Variants in MAP3K13 observed in about 807,000 individuals in gnomAD.
The protein encoded by MAP3K13 is leucine zipper-bearing kinase.
MAP3K13 carries 52 observed loss-of-function variants against 104.0 expected under a neutral mutation model. The ratio of observed to expected loss-of-function variants is 0.50; its 90% CI spans 0.40 to 0.63. The LOEUF (loss-of-function observed/expected upper bound fraction) is 0.63. Among genes scored for constraint, MAP3K13 ranks in the 20% least tolerant of loss-of-function variants. The pLI is 0.00. For synonymous variants in MAP3K13, 394 were observed against 442.2 expected (o/e 0.89, Z 1.37); for missense variants, 914 against 1,218.5 (o/e 0.75, Z 3.72).
At chr3:185,321,589 C>T (rs910330386) in intron 2 of MAP3K13, among the ~76,000 whole-genome samples, 2 of 151,712 alleles carry the variant, frequency 1.3e-5, no homozygotes, top group African/African-American at 4.8e-5. Context: ...TATAAGTAAC[C>T]GAGTTTTTTG....
At chr3:185,294,551 C>T (rs1464013974) in intron 2 of MAP3K13, among the ~76,000 whole-genome samples, 1 of 152,218 alleles carries the variant, frequency 6.6e-6, no homozygotes, top group East Asian at 1.9e-4. Flanking sequence ...CTGCCTCATT[C>T]TTCCTGAACA....
chr3:185,301,819 T>C (rs909271026), intron 2 of MAP3K13, among the ~76,000 whole-genome samples: 4 of 152,222 alleles, frequency 2.6e-5, no homozygotes, highest in East Asian at 3.9e-4. Context: ...TTCTGTTCCA[T>C]TGGACAATAT....
chr3:185,371,953 C>G (rs1724185169), intron 1 of MAP3K13, among the ~76,000 whole-genome samples: 1 of 152,166 alleles, frequency 6.6e-6, no homozygotes, highest in African/African-American at 2.4e-5. Context: ...TATCTGCAGG[C>G]TTGGATAACC....
chr3:185,360,301 A>G (rs1019208465), upstream of MAP3K13, among the ~76,000 whole-genome samples: 14 of 152,252 alleles, frequency 9.2e-5, no homozygotes, highest in African/African-American at 7.2e-5. Context: ...ATCACTTTAC[A>G]TTAAAAATTC....
At chr3:185,362,504 A>G (rs1203296721), upstream of MAP3K13, among the ~76,000 whole-genome samples, 1 of 152,210 alleles carries the variant, frequency 6.6e-6, no homozygotes, top group Non-Finnish European at 1.5e-5. Context: ...TTTTTCTTCC[A>G]TATCCACTTT....
chr3:185,448,591 A>T (rs1715716616), intron 5 of MAP3K13, among the ~76,000 whole-genome samples: 1 of 152,256 alleles, frequency 6.6e-6, no homozygotes, highest in South Asian at 2.1e-4. Context: ...TCAAAATTGC[A>T]TGTAATACCA....
At chr3:185,461,217 C>T (rs1294229386) in intron 7 of MAP3K13, among the ~76,000 whole-genome samples, 1 of 152,106 alleles carries the variant, frequency 6.6e-6, no homozygotes, top group Non-Finnish European at 1.5e-5. Context: ...AGATTGGGCA[C>T]GTTCAGGGTG....
intron 1 of MAP3K13, among the ~76,000 whole-genome samples, chr3:185,410,336 C>T (rs1713363172): frequency 6.6e-6 from 1 of 152,076 alleles, no homozygotes; most frequent in Non-Finnish European, 1.5e-5. Context: ...ACAGAGGATT[C>T]TAGAGGCTGG....
intron 1 of MAP3K13, 85 bp from the exon 2 acceptor site, chr3:185,428,412 T>C: frequency 1.2e-6 from 1 of 825,332 alleles, no homozygotes; most frequent in South Asian, 2.6e-5. Flanking sequence ...CCCCATTGTT[T>C]CAGTTTTTTT....
intron 1 of MAP3K13, among the ~76,000 whole-genome samples, chr3:185,414,763 T>C (rs1713649291): frequency 6.6e-6 from 1 of 152,234 alleles, no homozygotes; most frequent in South Asian, 2.1e-4. Flanking sequence ...AAAATAAGTA[T>C]AGAATGTATT....
In MAP3K13 at chr3:185,485,847, C is replaced by T. The variant is rs1417369714; in HGVS notation, c.*3391C>T. ...TACCGTATATACATGTAGGGCATGA[C>T]ATAAAATGCCTAACTGTGATGTCAT... is the stretch of plus-strand genomic sequence containing the variant. On this transcript the variant is annotated 3_prime_UTR_variant, in exon 14 of 14. Transcript: ENST00000265026. 6.6e-6 allele frequency: 1 copy of T among 152,090 alleles called. No individual in the cohort carries two copies. The highest frequency in any genetic ancestry group is 2.4e-5 in the African/African-American group (1 of 41,406). The allele number at this position is 152,090 out of a possible 1,614,324, so 9.4% of individuals were successfully genotyped here.
chr3:185,413,176 G>T (rs1713543752), intron 1 of MAP3K13, among the ~76,000 whole-genome samples: 1 of 152,158 alleles, frequency 6.6e-6, no homozygotes, highest in Non-Finnish European at 1.5e-5. Context: ...ACTAAAACAT[G>T]GTTGCAAACC....
At chr3:185,352,130 G>GT (rs1723160228) in intron 2 of MAP3K13, among the ~76,000 whole-genome samples, 1 of 152,114 alleles carries the variant, frequency 6.6e-6, no homozygotes, top group Admixed American at 6.5e-5. Context: ...GAGTGGCCAC[G>GT]TACCCACCTA....
chr3:185,338,792 G>T (rs1009808836), intron 2 of MAP3K13, among the ~76,000 whole-genome samples: 1 of 151,938 alleles, frequency 6.6e-6, no homozygotes, highest in African/African-American at 2.4e-5. Context: ...GCAGTTACAT[G>T]AATCCACATA....
intron 3 of MAP3K13, among the ~76,000 whole-genome samples, chr3:185,439,070 G>A (rs1269976954): frequency 6.6e-6 from 1 of 152,136 alleles, no homozygotes; most frequent in Non-Finnish European, 1.5e-5. Context: ...ACAAAGTAAG[G>A]AAGGTAAATC....
intron 7 of MAP3K13, among the ~76,000 whole-genome samples, chr3:185,461,619 A>G (rs1045797398): frequency 1.3e-5 from 2 of 152,006 alleles, no homozygotes; most frequent in African/African-American, 4.8e-5. Context: ...CTGGAGTGCA[A>G]TGGCATGATC....
In MAP3K13 at chr3:185,418,517, C is replaced by T; in HGVS notation, c.-85-9980C>T. 1 of 1,612,058 alleles carries T rather than the reference C, an allele frequency of 6.2e-7. No homozygotes were observed. The highest frequency in any genetic ancestry group is 1.1e-5 in the South Asian group (1 of 90,988). On this transcript the variant is annotated intron_variant, in intron 1 of 13. Coordinates refer to ENST00000265026, the MANE Select transcript of MAP3K13 (RefSeq NM_004721.5). This position sits in a 1 kb window ranked among gnomAD's most constrained non-coding sequence, Gnocchi z 4.5. The stretch of plus-strand genomic sequence containing the variant: ...CACATGTTTCCAAAAGCACCCTGGC[C>T]AGAGCGGTGAGTCCCACCACCTCGA...
chr3:185,305,439 A>G (rs1473197933), intron 2 of MAP3K13, among the ~76,000 whole-genome samples: 1 of 152,124 alleles, frequency 6.6e-6, no homozygotes, highest in Non-Finnish European at 1.5e-5. Flanking sequence ...TATGTCTTTT[A>G]TACTTTGTAT....
chr3:185,451,500 A>G lies in MAP3K13; in HGVS notation c.1278+105A>G, dbSNP rs1010867146. The G allele has an allele frequency of 2.1e-5, 15 of 727,606 alleles. No individual in the cohort carries two copies. The African/African-American group carries it at 2.3e-4, about 11-fold the overall frequency. The allele number at this position is 727,606 out of a possible 1,614,324, so 45.1% of individuals were successfully genotyped here. On this transcript the variant is annotated intron_variant, in intron 7 of 13. Coordinates refer to ENST00000265026, the MANE Select transcript of MAP3K13 (RefSeq NM_004721.5). ...CCATTGTGTTTGTTATAATAGTTAT[A>G]TAACTCCATTCATTGTGACACAATA...
Sources: allele counts gnomAD v4.1 joint callset (sites outside exome capture counted in the v4.1 genomes callset), GRCh38; gene constraint gnomAD v4.1.1; non-coding constraint Gnocchi (gnomAD v3.1); transcripts MANE v1.5; gene names NCBI Gene and HGNC (gene_info 2026-07-23, HGNC 2026-07-21).